The following ADAMDEC1 variants were observed in gnomAD, a reference collection of about 807,000 sequenced individuals.
ADAMDEC1 encodes ADAM DEC1.
Under a neutral mutation model 60.4 loss-of-function variants are expected in ADAMDEC1, and 62 were observed. That is an observed-to-expected ratio of 1.03 (90% CI 0.84 to 1.27). The LOEUF is 1.27. Among genes scored for constraint, ADAMDEC1 ranks in the 50% most tolerant of loss-of-function variants. The pLI is 0.00. For synonymous variants in ADAMDEC1, 210 were observed against 195.1 expected (o/e 1.08, Z -0.64); for missense variants, 595 against 565.0 (o/e 1.05, Z -0.54).
intron 13 of ADAMDEC1, among the ~76,000 whole-genome samples, 176 bp downstream of exon 13, chr8:24,404,264 A>G (rs1817836418): frequency 6.6e-6 from 1 of 152,202 alleles, no homozygotes; most frequent in South Asian, 2.1e-4. Context: ...TAAGGATTGT[A>G]GACAAACACT....
At position 24,397,419 on chromosome 8, in the gene ADAMDEC1, GC is replaced by G; in HGVS notation, c.593del (p.Pro198GlnfsTer41). The G allele has an allele frequency of 6.2e-7, 1 of 1,613,924 alleles. No individual in the cohort carries two copies. The highest frequency in any genetic ancestry group is 8.5e-7 in the Non-Finnish European group (1 of 1,179,928). On this transcript the variant is annotated frameshift_variant, in exon 6 of 14. Coordinates refer to ENST00000256412, the MANE Select transcript of ADAMDEC1 (RefSeq NM_014479.3). LOFTEE classifies it high-confidence loss of function. ...GTGAAGAGCACTGACGGGAAACAAGGCCCAATTCGAATCTCTAGATCACTCA... is the reference window on the plus strand; with the variant it reads ...GTGAAGAGCACTGACGGGAAACAAGGCCAATTCGAATCTCTAGATCACTCA... ...CGVKSTDGKQ[G>X]PIRISRSLKS...
intron 1 of ADAMDEC1, among the ~76,000 whole-genome samples, chr8:24,391,675 T>TG (rs1275093094): frequency 6.6e-6 from 1 of 151,978 alleles, no homozygotes; most frequent in Non-Finnish European, 1.5e-5. Flanking sequence ...TCTAAAGTCT[T>TG]GGGGGAAAAT....
At chr8:24,399,603 G>A in intron 10 of ADAMDEC1, 129 bp downstream of exon 10, 1 of 825,952 alleles carries the variant, frequency 1.2e-6, no homozygotes, top group Non-Finnish European at 2.1e-6. Context: ...TGAAACTACT[G>A]GTAGGTCATT....
Position 24,398,481 on chromosome 8 carries a change from A to G in ADAMDEC1, c.692A>G (p.Tyr231Cys). The G allele has an allele frequency of 1.9e-6, 3 of 1,563,050 alleles. No individual in the cohort carries two copies. Among genetic ancestry groups the G allele is most frequent in the Non-Finnish European group, 2.6e-6 (3 of 1,139,090 alleles). Reference sequence around the variant, plus strand: ...TACTTTGTGTTTTGTATTTTACAGTATAAGAACTATAATGAGAATCTAACT... The same window carrying G: ...TACTTTGTGTTTTGTATTTTACAGTGTAAGAACTATAATGAGAATCTAACT... ...DLYLVLDNAF[Y>C]KNYNENLTLI... is the part of the protein sequence containing the mutation. The change falls in exon 8 of 14, where the codon TAT becomes TGT. Residue 231 changes from tyrosine (Y) to cysteine (C), a missense_variant and splice_region_variant. Transcript: ENST00000256412.
chr8:24,400,354 T>G (rs896334628), intron 11 of ADAMDEC1, 54 bp downstream of exon 11: 22 of 1,527,918 alleles, frequency 1.4e-5, no homozygotes, highest in Non-Finnish European at 1.1e-5. Flanking sequence ...CTTTTTTTTT[T>G]CTGAAGACAC....
Position 24,384,375 on chromosome 8 carries a change from G to T in ADAMDEC1, c.-130G>T. The T allele has an allele frequency of 8.5e-6, 6 of 705,906 alleles. No homozygotes were observed. Among genetic ancestry groups the T allele is most frequent in the South Asian group, 2.1e-5 (1 of 48,296 alleles). 43.7% of individuals were successfully genotyped at this position (705,906 alleles called of 1,614,324 possible). A position where few individuals can be genotyped will look rare whatever the true frequency, so the allele number is the denominator to read the frequency against. On this transcript the variant is annotated 5_prime_UTR_variant, in exon 1 of 14. Transcript: ENST00000256412. Reference sequence around the variant, plus strand: ...CATGATGTTGACACTGCAATTTTTTGACAATTTCCCAACACTCTTAAGAAA... The same window carrying T: ...CATGATGTTGACACTGCAATTTTTTTACAATTTCCCAACACTCTTAAGAAA...
chr8:24,397,281 C>G lies in ADAMDEC1; in HGVS notation c.452C>G (p.Thr151Arg). The G allele has an allele frequency of 6.2e-7, 1 of 1,612,626 alleles. No homozygotes were observed. The change falls in exon 6 of 14, where the codon ACA (threonine) becomes AGA (arginine). Residue 151 changes from threonine (T) to arginine (R), a missense_variant. Transcript: ENST00000256412. ...STCDGLRGYF[T>R]HHHQRYQIKP... ...TCTATATCTCCCAGAGGATACTTCA[C>G]ACATCATCACCAAAGATACCAGATA...
intron 1 of ADAMDEC1, among the ~76,000 whole-genome samples, chr8:24,391,345 A>C (rs988253830): frequency 3.9e-5 from 6 of 152,202 alleles, no homozygotes; most frequent in African/African-American, 1.4e-4. Context: ...TAGAAAAAGT[A>C]TGCTGCCATC....
chr8:24,404,227 A>G (rs749861342), intron 13 of ADAMDEC1, 139 bp downstream of exon 13: 4 of 695,108 alleles, frequency 5.8e-6, no homozygotes, highest in Non-Finnish European at 9.6e-6. Context: ...TTTGGAGAGG[A>G]AAACTAGCAA....
At chr8:24,386,077 T>G (rs1817283869) in intron 1 of ADAMDEC1, among the ~76,000 whole-genome samples, 1 of 152,196 alleles carries the variant, frequency 6.6e-6, no homozygotes, top group Admixed American at 6.5e-5. Context: ...AAAAAGTCAC[T>G]GAAATACTTC....
rs565807537 is a variant in ADAMDEC1 at position 24,405,813 on chromosome 8, T to C, written c.*515T>C. The stretch of plus-strand genomic sequence containing the variant: ...CTTCGCCTTGCTCTTGAAAGTGCAG[T>C]ATTTTTCTACATCATGTCAAGAATG... On this transcript the variant is annotated 3_prime_UTR_variant, in exon 14 of 14. Transcript: ENST00000256412. 1 of 152,922 alleles carries C rather than the reference T, an allele frequency of 6.5e-6. No individual in the cohort carries two copies. The highest frequency in any genetic ancestry group is 2.1e-4 in the South Asian group (1 of 4,858). 9.5% of individuals were successfully genotyped at this position (152,922 alleles called of 1,614,324 possible).
chr8:24,396,491 G>T (rs978536006), intron 5 of ADAMDEC1, among the ~76,000 whole-genome samples: 3 of 152,052 alleles, frequency 2.0e-5, no homozygotes, highest in Admixed American at 2.0e-4. Flanking sequence ...TAGCTTGGGC[G>T]ACAGAGCGAG....
At chr8:24,399,754 G>A (rs1817714001) in intron 10 of ADAMDEC1, among the ~76,000 whole-genome samples, 1 of 152,128 alleles carries the variant, frequency 6.6e-6, no homozygotes, top group African/African-American at 2.4e-5. Context: ...ACCCTCTGTG[G>A]CCTGGGCTAA....
At position 24,394,157 on chromosome 8, in the gene ADAMDEC1, G is replaced by A. The variant is rs1282226772; in HGVS notation, c.363+10G>A. ...GAAACCTGAGAACATGGTAGGGTCCGAATACTTTGTGGGTCTCTTTTGAGT... is the reference window on the plus strand; with the variant it reads ...GAAACCTGAGAACATGGTAGGGTCCAAATACTTTGTGGGTCTCTTTTGAGT... On this transcript the variant is annotated intron_variant, in intron 4 of 13. Coordinates refer to ENST00000256412, the MANE Select transcript of ADAMDEC1 (RefSeq NM_014479.3). 6.3e-6 allele frequency: 10 copies of A among 1,598,124 alleles called. No homozygotes were observed. The highest frequency in any genetic ancestry group is 1.3e-5 in the African/African-American group (1 of 74,644).
chr8:24,402,266 C>G (rs1817784890), intron 12 of ADAMDEC1, among the ~76,000 whole-genome samples, 174 bp downstream of exon 12: 1 of 152,108 alleles, frequency 6.6e-6, no homozygotes. Flanking sequence ...ATTTCAAAAA[C>G]TAGGACTTGA....
chr8:24,399,656 C>T (rs1817711316), intron 10 of ADAMDEC1, among the ~76,000 whole-genome samples, 182 bp downstream of exon 10: 2 of 152,186 alleles, frequency 1.3e-5, no homozygotes, highest in South Asian at 2.1e-4. Context: ...CATTTCCTTA[C>T]ATCAGCCTTG....
chr8:24,404,702 G>T (rs1216747196), intron 13 of ADAMDEC1, among the ~76,000 whole-genome samples: 2 of 152,190 alleles, frequency 1.3e-5, no homozygotes, highest in African/African-American at 4.8e-5. Context: ...AAAGACTCAG[G>T]ATACATTTTC....
chr8:24,390,824 G>A (rs7003667), intron 1 of ADAMDEC1, among the ~76,000 whole-genome samples: 3,530 of 151,690 alleles, frequency 0.023, 138 homozygotes, highest in African/African-American at 0.082. Flanking sequence ...TATATCTTGC[G>A]AAGGTTTTTG....
chr8:24,401,774 T>C, intron 11 of ADAMDEC1, 141 bp from the exon 12 acceptor site: 3 of 701,532 alleles, frequency 4.3e-6, no homozygotes, highest in Non-Finnish European at 6.9e-6. Flanking sequence ...TCCTAAATGG[T>C]TGCCAAATTT....
Sources: allele counts gnomAD v4.1 joint callset (sites outside exome capture counted in the v4.1 genomes callset), GRCh38; gene constraint gnomAD v4.1.1; transcripts MANE v1.5; gene names NCBI Gene and HGNC (gene_info 2026-07-23, HGNC 2026-07-21).